The following COL21A1 variants were observed in gnomAD, a reference collection of about 807,000 sequenced individuals.
COL21A1 encodes the protein collagen type XXI alpha 1 chain, also known as collagen alpha-1(XXI) chain.
A neutral mutation model predicts 137.9 loss-of-function variants in COL21A1; 149 were observed. The ratio of observed to expected loss-of-function variants is 1.08; its 90% confidence interval spans 0.95 to 1.24. The LOEUF (loss-of-function observed/expected upper bound fraction) is 1.24, where lower values mean the gene tolerates loss of function less well. Ranked by LOEUF, COL21A1 falls within the 50% of genes most tolerant of loss-of-function variation. The pLI is 0.00. For missense variants in COL21A1, 1,167 were observed against 1,158.4 expected (o/e 1.01, Z -0.11); for synonymous variants, 456 against 391.5 (o/e 1.16, Z -1.95).
chr6:56,367,667 TA>T lies in COL21A1; in HGVS notation c.-39+26303del, dbSNP rs535286526. ...CTGAATTCCTTGTTATGTAAGTTAG[TA>T]AATATCCTCATTGTTTAAGCTAATT... On this transcript the variant is annotated intron_variant, in intron 1 of 28. Transcript: ENST00000370819. Among the ~76,000 whole-genome samples, 405 of 152,350 alleles carry T rather than the reference TA, an allele frequency of 2.7e-3. 1 individual carries two copies. Among genetic ancestry groups the T allele is most frequent in the Non-Finnish European group, 3.9e-3 (266 of 68,030 alleles).
chr6:56,158,878 G>C (rs1355399720), intron 9 of COL21A1, among the ~76,000 whole-genome samples: 1 of 152,106 alleles, frequency 6.6e-6, no homozygotes, highest in Non-Finnish European at 1.5e-5. Flanking sequence ...AAATCCAAGG[G>C]GGGAAAATAA....
chr6:56,220,822 A>C (rs1296435310), intron 1 of COL21A1, among the ~76,000 whole-genome samples: 1 of 152,160 alleles, frequency 6.6e-6, no homozygotes, highest in Non-Finnish European at 1.5e-5. Flanking sequence ...CAAGACTTTG[A>C]AGTAGAAACT....
intron 17 of COL21A1, among the ~76,000 whole-genome samples, chr6:56,085,431 G>A (rs959836622): frequency 9.2e-5 from 14 of 151,840 alleles, no homozygotes; most frequent in Admixed American, 2.0e-4. Flanking sequence ...AAAGGAAACC[G>A]AACCCATTTG....
At chr6:56,273,728 A>G (rs927406699) in intron 1 of COL21A1, among the ~76,000 whole-genome samples, 2 of 152,194 alleles carry the variant, frequency 1.3e-5, no homozygotes, top group Admixed American at 1.3e-4. Flanking sequence ...TGAATTAGTA[A>G]TAATAAACCA....
chr6:56,312,210 T>C (rs1582773215), intron 1 of COL21A1, among the ~76,000 whole-genome samples: 2 of 152,184 alleles, frequency 1.3e-5, no homozygotes, highest in Non-Finnish European at 2.9e-5. Flanking sequence ...AGCTGTACTA[T>C]AAAAGATTTA....
Position 56,355,432 on chromosome 6 carries a change from T to TG in COL21A1, c.-39+38538dup, listed in dbSNP as rs577173133. Among the ~76,000 whole-genome samples, 1,092 of 151,774 alleles carry TG rather than the reference T, an allele frequency of 7.2e-3. 11 individuals are homozygous for TG. The highest frequency in any genetic ancestry group is 0.025 in the African/African-American group (1,025 of 41,370). The stretch of plus-strand genomic sequence containing the variant: ...AAGGAAAAAAAAGGGAGAGACGGGG[T>TG]GGGGGGTAAACCTGTAGATTAAAAA... On this transcript the variant is annotated intron_variant, in intron 1 of 28. Transcript: ENST00000370819.
chr6:56,210,233 T>C (rs144285955), intron 1 of COL21A1, among the ~76,000 whole-genome samples: 3,312 of 152,156 alleles, frequency 0.022, 122 homozygotes, highest in African/African-American at 0.076. Flanking sequence ...TCTGCACATG[T>C]ACCCCCAAAC....
intron 1 of COL21A1, among the ~76,000 whole-genome samples, chr6:56,278,771 G>A (rs1763727807): frequency 6.6e-6 from 1 of 152,188 alleles, no homozygotes; most frequent in Admixed American, 6.5e-5. Context: ...TTGAACCTGT[G>A]TTGGAACCTC....
At chr6:56,250,166 G>A (rs575016236), upstream of COL21A1, among the ~76,000 whole-genome samples, 2 of 152,204 alleles carry the variant, frequency 1.3e-5, no homozygotes, top group African/African-American at 4.8e-5. Flanking sequence ...ATATTCATAG[G>A]GTTCCTTTAA....
chr6:56,213,119 C>T (rs2841000), intron 1 of COL21A1, among the ~76,000 whole-genome samples: 114,564 of 151,992 alleles, frequency 0.75, 43,850 homozygotes, highest in African/African-American at 0.88. Flanking sequence ...TCAATTTGCA[C>T]GTATTCCTTT....
At chr6:56,339,309 T>C (rs1765412653) in intron 1 of COL21A1, among the ~76,000 whole-genome samples, 1 of 152,214 alleles carries the variant, frequency 6.6e-6, no homozygotes, top group Non-Finnish European at 1.5e-5. Flanking sequence ...GATGGCAACG[T>C]CTATGTTTTA....
intron 1 of COL21A1, among the ~76,000 whole-genome samples, chr6:56,336,673 T>C (rs889643418): frequency 3.9e-5 from 6 of 152,208 alleles, no homozygotes; most frequent in African/African-American, 1.4e-4. Context: ...ATCATTTATG[T>C]GAAAACAGTT....
chr6:56,179,336 T>C (rs1405887811), intron 3 of COL21A1, among the ~76,000 whole-genome samples: 2 of 152,118 alleles, frequency 1.3e-5, no homozygotes, highest in Non-Finnish European at 2.9e-5. Flanking sequence ...TTACAAAATA[T>C]TGTATTTTCC....
chr6:56,357,975 C>A (rs1198764933), intron 1 of COL21A1, among the ~76,000 whole-genome samples: 1 of 152,164 alleles, frequency 6.6e-6, no homozygotes, highest in African/African-American at 2.4e-5. Flanking sequence ...ACCTCAATTT[C>A]TTCGTACTTA....
chr6:56,306,439 C>T (rs1397227645), intron 1 of COL21A1, among the ~76,000 whole-genome samples: 1 of 152,114 alleles, frequency 6.6e-6, no homozygotes, highest in Non-Finnish European at 1.5e-5. Context: ...TCTTCTTATT[C>T]TTTTTTCTCT....
intron 1 of COL21A1, among the ~76,000 whole-genome samples, chr6:56,190,408 G>T (rs917220895): frequency 7.9e-5 from 12 of 152,078 alleles, no homozygotes; most frequent in African/African-American, 2.9e-4. Context: ...TTGAATCCCC[G>T]AATAGAGCAA....
At chr6:56,083,673 C>T (rs1452030775) in intron 17 of COL21A1, among the ~76,000 whole-genome samples, 2 of 151,762 alleles carry the variant, frequency 1.3e-5, no homozygotes, top group African/African-American at 4.8e-5. Flanking sequence ...TCCTCCAAGG[C>T]ATTAAAAGGA....
chr6:56,313,919 T>G (rs1238804703), intron 1 of COL21A1, among the ~76,000 whole-genome samples: 1 of 152,224 alleles, frequency 6.6e-6, no homozygotes, highest in East Asian at 1.9e-4. Flanking sequence ...CACTTGCGTC[T>G]GCTCCATTCA....
rs776776254 is a variant in COL21A1 at position 56,069,051 on chromosome 6, T to C, written c.2086A>G (p.Lys696Glu). 11 of 1,601,336 alleles carry C rather than the reference T, an allele frequency of 6.9e-6. No homozygotes were observed. Among genetic ancestry groups the C allele is most frequent in the Non-Finnish European group, 8.5e-6 (10 of 1,173,500 alleles). Reference sequence around the variant, plus strand: ...ATCTCCTAACCAATGCATACCTTTTTTCCTTGAATCCCGGGTAAACCCATG... The same window carrying C: ...ATCTCCTAACCAATGCATACCTTTTCTCCTTGAATCCCGGGTAAACCCATG... ...GYMGLPGIQGKKGDKGNQGEK... is the reference protein window; with the variant it reads ...GYMGLPGIQGEKGDKGNQGEK... Residue 696 changes from lysine (K) to glutamate (E), a missense_variant, in exon 22 of 30, where the codon AAA becomes GAA. Transcript: ENST00000244728.
Sources: gnomAD v4.1 joint callset for allele counts (sites outside exome capture counted in the v4.1 genomes callset) on GRCh38, gnomAD v4.1.1 for gene constraint, MANE v1.5 for transcripts, NCBI Gene and HGNC (gene_info 2026-07-23, HGNC 2026-07-21) for gene names.